Variants in AKT3 observed in about 807,000 individuals in gnomAD.
AKT3 encodes the protein RAC-gamma serine/threonine-protein kinase.
In AKT3, 15 loss-of-function variants were observed where a neutral mutation model predicts 65.3. The ratio of observed to expected loss-of-function variants is 0.23; its 90% confidence interval spans 0.15 to 0.35. AKT3 has a LOEUF of 0.35. Ranked by LOEUF, AKT3 falls within the 10% of genes least tolerant of loss-of-function variation. AKT3 has a pLI of 1.00. For synonymous variants in AKT3, 206 were observed against 183.8 expected (o/e 1.12, Z -0.98); for missense variants, 243 against 576.5 (o/e 0.42, Z 5.92).
intron 2 of AKT3, among the ~76,000 whole-genome samples, chr1:243,711,060 C>T (rs1029517758): frequency 6.6e-6 from 1 of 152,192 alleles, no homozygotes; most frequent in Non-Finnish European, 1.5e-5. Flanking sequence ...GTGGCTCACG[C>T]CTGTAATCCC....
intron 2 of AKT3, among the ~76,000 whole-genome samples, chr1:243,709,290 G>GA (rs764563357): frequency 0.036 from 4,690 of 131,482 alleles, 83 homozygotes; most frequent in African/African-American, 0.045. Context: ...AGCATTAAAA[G>GA]AAAAAAAAAA....
chr1:243,561,811 C>T (rs569591904), intron 10 of AKT3, among the ~76,000 whole-genome samples: 25 of 152,266 alleles, frequency 1.6e-4, no homozygotes, highest in Admixed American at 4.6e-4. Flanking sequence ...CCATCACTTT[C>T]GCTGAACATA....
At chr1:243,491,734 T>A (rs1270998802) in intron 13 of AKT3, among the ~76,000 whole-genome samples, 2 of 152,324 alleles carry the variant, frequency 1.3e-5, no homozygotes, top group East Asian at 3.9e-4. Flanking sequence ...GTATTTTGGA[T>A]GCGGTGCCGC....
intron 12 of AKT3, among the ~76,000 whole-genome samples, chr1:243,536,741 G>A (rs1448013303): frequency 6.6e-6 from 1 of 152,078 alleles, no homozygotes; most frequent in Non-Finnish European, 1.5e-5. Context: ...AGCTGTTTGT[G>A]TTTTTATATC....
At chr1:243,741,044 G>A (rs1688122803) in intron 2 of AKT3, among the ~76,000 whole-genome samples, 1 of 152,088 alleles carries the variant, frequency 6.6e-6, no homozygotes, top group South Asian at 2.1e-4. Context: ...AGAAGTGTTA[G>A]CCCTACATCT....
intron 3 of AKT3, among the ~76,000 whole-genome samples, chr1:243,675,365 A>G (rs765067693): frequency 4.6e-5 from 7 of 152,020 alleles, no homozygotes; most frequent in Non-Finnish European, 8.8e-5. Flanking sequence ...ACGCCCAGCT[A>G]ATTTTTTGTA....
At chr1:243,666,210 G>A (rs1682765535) in intron 3 of AKT3, among the ~76,000 whole-genome samples, 1 of 151,960 alleles carries the variant, frequency 6.6e-6, no homozygotes, top group Non-Finnish European at 1.5e-5. Context: ...CACCATGTTG[G>A]CCAAGCTGAT....
intron 8 of AKT3, among the ~76,000 whole-genome samples, chr1:243,592,740 A>G (rs937915015): frequency 6.6e-6 from 1 of 152,224 alleles, no homozygotes; most frequent in African/African-American, 2.4e-5. Flanking sequence ...CACCACATGG[A>G]AAACAGGATC....
chr1:243,694,042 T>C (rs998312059), intron 3 of AKT3, among the ~76,000 whole-genome samples: 33 of 152,258 alleles, frequency 2.2e-4, no homozygotes, highest in African/African-American at 7.9e-4. Context: ...GGAGCAGATG[T>C]TGGCAGACTG....
At chr1:243,749,430 T>C (rs941283187) in intron 2 of AKT3, among the ~76,000 whole-genome samples, 1 of 152,132 alleles carries the variant, frequency 6.6e-6, no homozygotes, top group Non-Finnish European at 1.5e-5. Flanking sequence ...ATAATATCCC[T>C]ACTTCCTAGA....
intron 8 of AKT3, among the ~76,000 whole-genome samples, chr1:243,586,438 G>A (rs548461314): frequency 1.1e-3 from 172 of 152,270 alleles, no homozygotes; most frequent in Non-Finnish European, 2.0e-3. Context: ...AGTAGACACA[G>A]GCACTTGCAT....
At chr1:243,763,868 C>T (rs963399756) in intron 2 of AKT3, among the ~76,000 whole-genome samples, 1 of 152,170 alleles carries the variant, frequency 6.6e-6, no homozygotes, top group Non-Finnish European at 1.5e-5. Flanking sequence ...ATTTCAGACA[C>T]GAATAGTACT....
intron 12 of AKT3, among the ~76,000 whole-genome samples, chr1:243,529,001 G>A (rs1033810371): frequency 6.6e-6 from 1 of 152,102 alleles, no homozygotes; most frequent in African/African-American, 2.4e-5. Context: ...CATTCTGACT[G>A]GTGTGAGATG....
intron 2 of AKT3, among the ~76,000 whole-genome samples, chr1:243,791,209 TATAA>T (rs1441254968): frequency 1.3e-5 from 2 of 152,170 alleles, no homozygotes; most frequent in African/African-American, 4.8e-5. Context: ...GTAGATACTA[TATAA>T]ATAGTCACAC....
At chr1:243,625,453 C>A (rs2148630381) in intron 6 of AKT3, among the ~76,000 whole-genome samples, 1 of 152,150 alleles carries the variant, frequency 6.6e-6, no homozygotes, top group Middle Eastern at 3.4e-3. Flanking sequence ...TATTTTAAAA[C>A]AGCTAAAATG....
intron 9 of AKT3, among the ~76,000 whole-genome samples, chr1:243,568,753 G>C (rs1172506511): frequency 1.3e-5 from 2 of 152,068 alleles, no homozygotes; most frequent in African/African-American, 2.4e-5. Flanking sequence ...TAAAGTTGTG[G>C]GGCATACCAG....
chr1:243,518,064 G>T (rs1028825536), intron 12 of AKT3, among the ~76,000 whole-genome samples: 4 of 152,180 alleles, frequency 2.6e-5, no homozygotes, highest in Non-Finnish European at 5.9e-5. Flanking sequence ...AAAATTATAC[G>T]AATAAGAACT....
At chr1:243,616,466 T>C (rs1678328698) in intron 6 of AKT3, among the ~76,000 whole-genome samples, 1 of 152,130 alleles carries the variant, frequency 6.6e-6, no homozygotes, top group Non-Finnish European at 1.5e-5. Flanking sequence ...AGTGTTTTCT[T>C]CAACATATGG....
rs1352497389 is a variant in AKT3, at chr1:243,850,214, C to T, written c.-287G>A. On this transcript the variant is annotated 5_prime_UTR_variant, in exon 1 of 14. Coordinates refer to ENST00000673466, the MANE Select transcript of AKT3 (RefSeq NM_005465.7). Reference sequence around the variant, plus strand: ...GCCTCTGGCCTCCTGGAGCCCGGTGCGGCCGGCGGGAGGGCAAGCGAAGGG... The same window carrying T: ...GCCTCTGGCCTCCTGGAGCCCGGTGTGGCCGGCGGGAGGGCAAGCGAAGGG... The T allele has an allele frequency of 6.7e-6, 1 of 150,138 alleles. No homozygotes were observed. Among genetic ancestry groups the T allele is most frequent in the Non-Finnish European group, 1.4e-5 (1 of 69,664 alleles). 9.3% of individuals were successfully genotyped at this position (150,138 alleles called of 1,614,324 possible). A position where few individuals can be genotyped will look rare whatever the true frequency, so the allele number is the denominator to read the frequency against.
Sources: allele counts gnomAD v4.1 joint callset (sites outside exome capture counted in the v4.1 genomes callset), GRCh38; gene constraint gnomAD v4.1.1; transcripts MANE v1.5; gene names NCBI Gene and HGNC (gene_info 2026-07-23, HGNC 2026-07-21).